Variants in GGNBP2 observed in about 807,000 individuals in gnomAD.
The protein encoded by GGNBP2 is gametogenetin-binding protein 2.
A neutral mutation model predicts 85.9 loss-of-function variants in GGNBP2; 10 were observed. The observed-to-expected ratio is 0.12, with a 90% CI of 0.07 to 0.20. The LOEUF (loss-of-function observed/expected upper bound fraction) is 0.20, where lower values mean the gene tolerates loss of function less well. GGNBP2 is among the 10% of genes least tolerant of loss of function. GGNBP2 has a pLI of 1.00. For missense variants in GGNBP2, 595 were observed against 857.8 expected (o/e 0.69, Z 3.83); for synonymous variants, 287 against 285.7 (o/e 1.00, Z -0.05).
intron 2 of GGNBP2, among the ~76,000 whole-genome samples, chr17:36,549,250 T>C (rs1314541663): frequency 3.3e-5 from 5 of 152,226 alleles, no homozygotes; most frequent in Non-Finnish European, 7.3e-5. Context: ...TCGCCCAGGC[T>C]GGAGTACAGT....
intron 4 of GGNBP2, among the ~76,000 whole-genome samples, chr17:36,559,318 AAAAG>A (rs2074394530): frequency 2.6e-5 from 4 of 151,458 alleles, no homozygotes; most frequent in Non-Finnish European, 5.9e-5. Context: ...AAAAAAAAAA[AAAAG>A]AATGGGCAAA....
intron 5 of GGNBP2, among the ~76,000 whole-genome samples, chr17:36,564,381 A>G (rs1452514843): frequency 6.6e-6 from 1 of 152,188 alleles, no homozygotes; most frequent in East Asian, 1.9e-4. Flanking sequence ...CTTTGTTTTC[A>G]ATCACTTTGC....
intron 5 of GGNBP2, among the ~76,000 whole-genome samples, chr17:36,561,090 T>C (rs1043144843): frequency 2.6e-5 from 4 of 152,018 alleles, no homozygotes; most frequent in Non-Finnish European, 5.9e-5. Flanking sequence ...TTTTTTTATG[T>C]TAAATATGTT....
At chr17:36,551,144 A>G (rs758650014) in intron 2 of GGNBP2, among the ~76,000 whole-genome samples, 6 of 152,332 alleles carry the variant, frequency 3.9e-5, no homozygotes, top group Non-Finnish European at 7.3e-5. Context: ...TTTGCTACTA[A>G]TTAGGTGAAA....
Position 36,554,835 on chromosome 17 carries a change from C to G in GGNBP2, c.109C>G (p.Pro37Ala). Residue 37 changes from proline to alanine, a missense_variant, in exon 3 of 14, where the codon CCT (proline) becomes GCT (alanine). This residue lies in a region of GGNBP2 where 216 missense variants were observed against 293.4 expected (regional missense o/e 0.74). Transcript: ENST00000613102. ...GCATTTTAAGATGGTGATGGAATTT[C>G]CTGATAATGTGTTAAATCTCGATGG... ...DDTLTMVMEF[P>A]DNVLNLDGHQ... 6.2e-7 allele frequency: 1 copy of G among 1,604,104 alleles called. No individual in the cohort carries two copies. The highest frequency in any genetic ancestry group is 8.5e-7 in the Non-Finnish European group (1 of 1,170,974).
chr17:36,563,582 G>GTTTCTGGTT (rs2074440538), intron 5 of GGNBP2, among the ~76,000 whole-genome samples: 2 of 135,272 alleles, frequency 1.5e-5, no homozygotes, highest in Admixed American at 1.5e-4. Flanking sequence ...GATTTTACCT[G>GTTTCTGGTT]TTTCTGGTTT....
At chr17:36,588,804 T>C (rs2074729669) in intron 13 of GGNBP2, among the ~76,000 whole-genome samples, 1 of 152,192 alleles carries the variant, frequency 6.6e-6, no homozygotes, top group South Asian at 2.1e-4. Context: ...AAAAGTTTAC[T>C]TCTTAAGTAG....
In GGNBP2 at chr17:36,555,013, G is replaced by T. The variant is rs886669530; in HGVS notation, c.174+113G>T. 4 of 634,632 alleles carry T rather than the reference G, an allele frequency of 6.3e-6. No homozygotes were observed. In the African/African-American group the frequency reaches 7.4e-5, roughly 12 times the overall value. The allele number at this position is 634,632 out of a possible 1,614,324, so 39.3% of individuals were successfully genotyped here. A position where few individuals can be genotyped will look rare whatever the true frequency, so the allele number is the denominator to read the frequency against. ...ATTCTCTAGGTCTTAATATTGCACTGGAATTGCTCTTTCACCATTGCTATA... is the reference window on the plus strand; with the variant it reads ...ATTCTCTAGGTCTTAATATTGCACTTGAATTGCTCTTTCACCATTGCTATA... On this transcript the variant is annotated intron_variant, in intron 3 of 13. Transcript: ENST00000613102.
Position 36,545,657 on chromosome 17 carries a change from A to ACAG in GGNBP2, c.-63_-61dup, listed in dbSNP as rs968094115. The stretch of plus-strand genomic sequence containing the variant: ...GGAGGCGGCAGCGGCGGCGGCAGAA[A>ACAG]CAGCAGCGGCGGCGGCGGCGGCAGC... On this transcript the variant is annotated 5_prime_UTR_variant, in exon 2 of 14. Coordinates refer to ENST00000613102, the MANE Select transcript of GGNBP2 (RefSeq NM_024835.5). 7 of 1,269,038 alleles carry ACAG rather than the reference A, an allele frequency of 5.5e-6. No individual in the cohort carries two copies. The highest frequency in any genetic ancestry group is 1.9e-4 in the Middle Eastern group (1 of 5,140). The allele number at this position is 1,269,038 out of a possible 1,614,324, so 78.6% of individuals were successfully genotyped here.
intron 5 of GGNBP2, among the ~76,000 whole-genome samples, chr17:36,566,993 C>T (rs1482699766): frequency 1.3e-5 from 2 of 151,662 alleles, no homozygotes; most frequent in Non-Finnish European, 2.9e-5. Context: ...TAGTAGAGAC[C>T]TTGTCTCTAC....
In GGNBP2 at chr17:36,548,615, C is replaced by CAAAAAAAAAAAAAAAA. The variant is rs71159614; in HGVS notation, c.93+2820_93+2835dup. ...GGGCAACAAGAGCAAGACTCTGTCTCAAAAAAAAAAAAAAAAAAAAAAAAA... is the reference window on the plus strand; with the variant it reads ...GGGCAACAAGAGCAAGACTCTGTCTCAAAAAAAAAAAAAAAAAAAAAAAAAAAAAAAAAAAAAAAAA... On this transcript the variant is annotated intron_variant, in intron 2 of 13. Coordinates refer to ENST00000613102, the MANE Select transcript of GGNBP2 (RefSeq NM_024835.5). Among the ~76,000 whole-genome samples, 18 of 23,734 alleles carry CAAAAAAAAAAAAAAAA rather than the reference C, an allele frequency of 7.6e-4. 5 individuals carry two copies. Among genetic ancestry groups the CAAAAAAAAAAAAAAAA allele is most frequent in the East Asian group, 1.3e-3 (1 of 796 alleles). The allele number at this position is 23,734 out of a possible 152,430, so 15.6% of individuals were successfully genotyped here.
At chr17:36,552,390 G>T (rs2074318207) in intron 2 of GGNBP2, among the ~76,000 whole-genome samples, 1 of 152,128 alleles carries the variant, frequency 6.6e-6, no homozygotes. Context: ...ATGTTAATTA[G>T]AATAAATACA....
intron 2 of GGNBP2, among the ~76,000 whole-genome samples, chr17:36,549,275 T>C (rs1478273318): frequency 2.6e-5 from 4 of 152,142 alleles, no homozygotes; most frequent in African/African-American, 9.7e-5. Context: ...TGATCTTGGC[T>C]CACTGCAACC....
intron 6 of GGNBP2, chr17:36,574,325 A>G (rs1313779788): frequency 1.9e-5 from 3 of 156,834 alleles, no homozygotes; most frequent in African/African-American, 7.2e-5. Context: ...GTGTAAGTAC[A>G]CTCTGATGTT....
intron 6 of GGNBP2, chr17:36,575,075 T>C: frequency 1.0e-6 from 1 of 984,850 alleles, no homozygotes. Flanking sequence ...CTCAGATTCC[T>C]TCATGGGCAG....
In GGNBP2 at chr17:36,586,455, A is replaced by G. The variant is rs540420722; in HGVS notation, c.1641+257A>G. ...TACTTTTAAAATTATAAGCTGTGTAATCTTAAACAATTTGTTTAGTCCCTA... is the reference window on the plus strand; with the variant it reads ...TACTTTTAAAATTATAAGCTGTGTAGTCTTAAACAATTTGTTTAGTCCCTA... On this transcript the variant is annotated intron_variant, in intron 12 of 13. Transcript: ENST00000613102. 8.5e-6 allele frequency: 4 copies of G among 468,636 alleles called. No homozygotes were observed. The South Asian group carries it at 1.1e-4, about 13-fold the overall frequency. 29.0% of individuals were successfully genotyped at this position (468,636 alleles called of 1,614,324 possible).
intron 5 of GGNBP2, among the ~76,000 whole-genome samples, chr17:36,563,886 G>A (rs955177280): frequency 6.6e-6 from 1 of 151,872 alleles, no homozygotes; most frequent in African/African-American, 2.4e-5. Flanking sequence ...TGGGATTACA[G>A]GCACCTGCTA....
At chr17:36,553,908 T>C (rs2074335008) in intron 2 of GGNBP2, among the ~76,000 whole-genome samples, 2 of 152,220 alleles carry the variant, frequency 1.3e-5, no homozygotes, top group African/African-American at 4.8e-5. Context: ...TCCCATTATG[T>C]GACATAGTGA....
Position 36,579,509 on chromosome 17 carries a change from C to G in GGNBP2, c.1020+90C>G, listed in dbSNP as rs1469221974. 11 of 1,045,132 alleles carry G rather than the reference C, an allele frequency of 1.1e-5. 1 individual carries two copies. The East Asian group carries it at 1.4e-4, about 14-fold the overall frequency. The allele number at this position is 1,045,132 out of a possible 1,614,324, so 64.7% of individuals were successfully genotyped here. The stretch of plus-strand genomic sequence containing the variant: ...TGTAAGCCACCAGTGCCTAAAAGGA[C>G]TGTCCATCACTGATAGAGCTTCATG... On this transcript the variant is annotated intron_variant, in intron 8 of 13. Coordinates refer to ENST00000613102, the MANE Select transcript of GGNBP2 (RefSeq NM_024835.5).
Sources: allele counts gnomAD v4.1 joint callset (sites outside exome capture counted in the v4.1 genomes callset), GRCh38; gene constraint gnomAD v4.1.1; regional missense constraint gnomAD v4.1.1; transcripts MANE v1.5; gene names NCBI Gene and HGNC (gene_info 2026-07-23, HGNC 2026-07-21).